UNC5A: variants seen among roughly 807,000 people sequenced by gnomAD.
UNC5A encodes netrin receptor UNC5A.
Under a neutral mutation model 87.4 loss-of-function variants are expected in UNC5A, and 20 were observed. The observed-to-expected ratio is 0.23, with a 90% CI of 0.16 to 0.33. UNC5A has a LOEUF of 0.33. Ranked by LOEUF, UNC5A falls within the 10% of genes least tolerant of loss-of-function variation. UNC5A has a pLI of 1.00. For synonymous variants in UNC5A, 438 were observed against 482.3 expected, an observed-to-expected ratio of 0.91 and a Z score of 1.20; for missense variants, 844 against 1,133.4, an observed-to-expected ratio of 0.74 and a Z score of 3.67.
Position 176,848,941 on chromosome 5 carries a change from T to C in UNC5A, c.71-13683T>C, listed in dbSNP as rs1031297867. Among the ~76,000 whole-genome samples, 3 of 152,196 alleles carry C rather than the reference T, an allele frequency of 2.0e-5. No individual in the cohort carries two copies. The highest frequency in any genetic ancestry group is 6.5e-5 in the Admixed American group (1 of 15,280). ...CTACCCGCCCAGGTACCTGGGGCAATGGACAGCCGACCTCTCCGCCTCTGT... is the reference window on the plus strand; with the variant it reads ...CTACCCGCCCAGGTACCTGGGGCAACGGACAGCCGACCTCTCCGCCTCTGT... On this transcript the variant is annotated intron_variant, in intron 1 of 14. Transcript: ENST00000329542. This position sits in a 1 kb window ranked among gnomAD's most constrained non-coding sequence, Gnocchi z 5.8.
intron 1 of UNC5A, among the ~76,000 whole-genome samples, chr5:176,819,458 A>G (rs1756675619): frequency 6.6e-6 from 1 of 152,178 alleles, no homozygotes; most frequent in Non-Finnish European, 1.5e-5. Flanking sequence ...GGTTGTATCC[A>G]GGGAGAACAG....
chr5:176,856,321 C>T lies in UNC5A; in HGVS notation c.71-6303C>T, dbSNP rs1295136624. On this transcript the variant is annotated intron_variant, in intron 1 of 14. Coordinates refer to ENST00000329542, the MANE Select transcript of UNC5A (RefSeq NM_133369.3). ...GTGCCAGCGGGTGGCTGGGGGCAGCCTGGAGCCAGGGGCTTCTCCTGCCCG... is the reference window on the plus strand; with the variant it reads ...GTGCCAGCGGGTGGCTGGGGGCAGCTTGGAGCCAGGGGCTTCTCCTGCCCG... Among the ~76,000 whole-genome samples, 5 of 152,202 alleles carry T rather than the reference C, an allele frequency of 3.3e-5. No homozygotes were observed. In the East Asian group the frequency reaches 9.6e-4, roughly 29 times the overall value.
intron 1 of UNC5A, among the ~76,000 whole-genome samples, chr5:176,825,717 T>C (rs1159452917): frequency 1.3e-5 from 2 of 152,024 alleles, no homozygotes; most frequent in Non-Finnish European, 2.9e-5. Context: ...ATGGCAGAGC[T>C]AGGTGCCAGC....
chr5:176,863,075 C>T (rs2149364117), intron 2 of UNC5A, among the ~76,000 whole-genome samples: 1 of 152,328 alleles, frequency 6.6e-6, no homozygotes, highest in African/African-American at 2.4e-5. Context: ...TGCGTCGGTT[C>T]ATTCGATCAG....
chr5:176,837,878 GCGGACTCGGCTTCCTAACCTC>G (rs1371649345), intron 1 of UNC5A, among the ~76,000 whole-genome samples: 1 of 152,122 alleles, frequency 6.6e-6, no homozygotes. Context: ...CTGTCCCTCT[GCGGACTCGGCTTCCTAACCTC>G]CGGACTCTGC....
At chr5:176,837,022 GTC>G (rs1339879664) in intron 1 of UNC5A, among the ~76,000 whole-genome samples, 16 of 152,332 alleles carry the variant, frequency 1.1e-4, no homozygotes, top group African/African-American at 3.6e-4. Flanking sequence ...GTATGTGTGA[GTC>G]TGCATTTAGG....
intron 1 of UNC5A, among the ~76,000 whole-genome samples, chr5:176,811,794 A>G (rs13165613): frequency 0.33 from 50,001 of 151,720 alleles, 9,463 homozygotes; most frequent in Admixed American, 0.45. Context: ...TTACCCTGGC[A>G]ATTCTCGATT....
Position 176,877,980 on chromosome 5 carries a change from G to T in UNC5A, c.1722G>T (p.Gln574His), listed in dbSNP as rs760762527. The T allele has an allele frequency of 6.2e-7, 1 of 1,605,514 alleles. No homozygotes were observed. Reference sequence around the variant, plus strand: ...GTGCCTGCTACGTCTTCACCGAGCAGCTGGGCCGCTTTGCCCTGGTGGGAG... The same window carrying T: ...GTGCCTGCTACGTCTTCACCGAGCATCTGGGCCGCTTTGCCCTGGTGGGAG... ...EASACYVFTE[Q>H]LGRFALVGEA... Residue 574 changes from glutamine to histidine, a missense_variant, in exon 11 of 15, where the codon CAG becomes CAT. Transcript: ENST00000329542.
intron 1 of UNC5A, among the ~76,000 whole-genome samples, chr5:176,860,829 C>T (rs955567588): frequency 3.9e-5 from 6 of 152,094 alleles, no homozygotes; most frequent in East Asian, 1.9e-4. Context: ...GCGGAACATG[C>T]GGGGGGCAGT....
In UNC5A at chr5:176,810,901, C is replaced by T; in HGVS notation, c.70+81C>T. The T allele has an allele frequency of 8.7e-7, 1 of 1,149,180 alleles. No homozygotes were observed. Among genetic ancestry groups the T allele is most frequent in the Non-Finnish European group, 1.1e-6 (1 of 928,698 alleles). 71.2% of individuals were successfully genotyped at this position (1,149,180 alleles called of 1,614,324 possible). A position where few individuals can be genotyped will look rare whatever the true frequency, so the allele number is the denominator to read the frequency against. On this transcript the variant is annotated intron_variant, in intron 1 of 14. Coordinates refer to ENST00000329542, the MANE Select transcript of UNC5A (RefSeq NM_133369.3). This position sits in a 1 kb window ranked among gnomAD's most constrained non-coding sequence, Gnocchi z 7.3. ...GCTCGCTGCTCTGGGGGTCCCTGAC[C>T]AGCGCTGCCAGACCCGGCTGGGAGC...
chr5:176,860,435 G>T (rs537554934), intron 1 of UNC5A, among the ~76,000 whole-genome samples: 1 of 152,166 alleles, frequency 6.6e-6, no homozygotes, highest in Non-Finnish European at 1.5e-5. Flanking sequence ...TCTCCAGACC[G>T]TGGGAGGACC....
At chr5:176,861,301 C>T (rs1358105921) in intron 1 of UNC5A, among the ~76,000 whole-genome samples, 1 of 152,206 alleles carries the variant, frequency 6.6e-6, no homozygotes, top group Non-Finnish European at 1.5e-5. Flanking sequence ...AAGAACTGGG[C>T]ACCACGCCCC....
Position 176,862,628 on chromosome 5 carries a change from C to A in UNC5A, c.75C>A (p.Ala25=). 6.2e-7 allele frequency: 1 copy of A among 1,613,292 alleles called. No individual in the cohort carries two copies. The highest frequency in any genetic ancestry group is 8.5e-7 in the Non-Finnish European group (1 of 1,179,850). Residue 25 remains alanine, a synonymous_variant, in exon 2 of 15, where the codon GCC becomes GCA. Coordinates refer to ENST00000329542, the MANE Select transcript of UNC5A (RefSeq NM_133369.3). ...TCCCCCTCTGCCCTGCCGCAGGTGC[C>A]CAGCAGAGTGCCACCGTGGCCAACC... The part of the protein sequence containing the change: ...VLAAWLRGSG[A]QQSATVANPV...
rs1269877504 is a variant in UNC5A at position 176,875,228 on chromosome 5, T to A, written c.1378+662T>A. ...TAATCGCCGTGTCTGTGCAGATAAC[T>A]CCCACTCCCCCATCCTTAGCCTGCA... On this transcript the variant is annotated intron_variant, in intron 8 of 14. Transcript: ENST00000329542. This position sits in a 1 kb window ranked among gnomAD's most constrained non-coding sequence, Gnocchi z 5.2. Among the ~76,000 whole-genome samples the A allele has an allele frequency of 6.6e-6, 1 of 152,018 alleles. No individual in the cohort carries two copies. The highest frequency in any genetic ancestry group is 1.5e-5 in the Non-Finnish European group (1 of 68,010).
At chr5:176,821,258 G>T (rs986056774) in intron 1 of UNC5A, among the ~76,000 whole-genome samples, 1 of 152,166 alleles carries the variant, frequency 6.6e-6, no homozygotes, top group Non-Finnish European at 1.5e-5. Flanking sequence ...GCTTGTCCTT[G>T]GTTTCGGGCC....
rs1431599357 is a variant in UNC5A, at chr5:176,878,348, T to C, written c.1974T>C (p.Asp658=). The change falls in exon 12 of 15, where the codon GAT becomes GAC. Residue 658 remains aspartate (D), a synonymous_variant. Transcript: ENST00000329542. ...SYHNLRLSIH[D]VPSSLWKSKL... is the part of the protein sequence containing the mutation. ...ACAACCTGCGCCTATCCATCCACGA[T>C]GTGCCCAGCTCCCTGTGGAAGAGTA... The C allele has an allele frequency of 6.2e-7, 1 of 1,612,118 alleles. No homozygotes were observed. Among genetic ancestry groups the C allele is most frequent in the Non-Finnish European group, 8.5e-7 (1 of 1,178,688 alleles).
intron 1 of UNC5A, among the ~76,000 whole-genome samples, chr5:176,861,821 A>AG (rs112865291): frequency 0.92 from 139,940 of 151,956 alleles, 64,779 homozygotes; most frequent in African/African-American, 0.97. Context: ...CTGCAGCCCC[A>AG]GGGAGGCTGA....
chr5:176,813,278 G>A lies in UNC5A; in HGVS notation c.70+2458G>A, dbSNP rs140660399. 5.1e-3 allele frequency among the ~76,000 whole-genome samples: 782 copies of A among 152,342 alleles called. 5 individuals carry two copies. The highest frequency in any genetic ancestry group is 8.6e-3 in the Non-Finnish European group (587 of 68,032). On this transcript the variant is annotated intron_variant, in intron 1 of 14. Transcript: ENST00000329542. ...CTTGAGCAGGAGGGACTTGGGAGCT[G>A]GCTCCCTTGAAGATGGGGCTGAGGG...
Position 176,869,844 on chromosome 5 carries a change from T to G in UNC5A, c.722-526T>G, listed in dbSNP as rs1758066752. On this transcript the variant is annotated intron_variant, in intron 5 of 14. Transcript: ENST00000329542. This position sits in a 1 kb window ranked among gnomAD's most constrained non-coding sequence, Gnocchi z 9.1. ...ACGCCATCTCCGTGCCCTGGCTCCATCGCGCCCACCAGCCTGCCCCCCCAT... is the reference window on the plus strand; with the variant it reads ...ACGCCATCTCCGTGCCCTGGCTCCAGCGCGCCCACCAGCCTGCCCCCCCAT... The G allele has an allele frequency of 1.7e-6, 1 of 572,800 alleles. No individual in the cohort carries two copies. The highest frequency in any genetic ancestry group is 3.1e-6 in the Non-Finnish European group (1 of 319,106). 35.5% of individuals were successfully genotyped at this position (572,800 alleles called of 1,614,324 possible).
Sources: gnomAD v4.1 joint callset for allele counts (sites outside exome capture counted in the v4.1 genomes callset) on GRCh38, gnomAD v4.1.1 for gene constraint, Gnocchi (gnomAD v3.1) non-coding constraint, MANE v1.5 for transcripts, NCBI Gene and HGNC (gene_info 2026-07-23, HGNC 2026-07-21) for gene names.